PRMT2: variants seen among roughly 807,000 people sequenced by gnomAD.
The protein encoded by PRMT2 is protein arginine N-methyltransferase 2.
Under a neutral mutation model 57.6 loss-of-function variants are expected in PRMT2, and 26 were observed. The observed-to-expected ratio is 0.45, with a 90% CI of 0.33 to 0.63. The LOEUF is 0.63. PRMT2 is among the 20% of genes least tolerant of loss of function. The pLI, the probability that PRMT2 is intolerant of heterozygous loss-of-function variation, is 0.02. For synonymous variants in PRMT2, 219 were observed against 220.0 expected (o/e 1.00, Z 0.04); for missense variants, 472 against 564.4 (o/e 0.84, Z 1.66).
chr21:46,662,174 G>A (rs1364681046), intron 10 of PRMT2, among the ~76,000 whole-genome samples: 2 of 152,164 alleles, frequency 1.3e-5, no homozygotes, highest in Admixed American at 6.5e-5. Flanking sequence ...CAGCCTGGGC[G>A]TCCCTCCGAC....
chr21:46,653,561 G>T (rs546006537), intron 7 of PRMT2: 33 of 1,035,478 alleles, frequency 3.2e-5, no homozygotes, highest in Admixed American at 1.1e-4. Flanking sequence ...AACCAAGGCC[G>T]CCTGGCTTCC....
At chr21:46,657,215 C>CT (rs1042673061) in intron 7 of PRMT2, 1 of 152,092 alleles carries the variant, frequency 6.6e-6, no homozygotes, top group African/African-American at 2.4e-5. Context: ...CTGGAGGGAA[C>CT]ATGCCACTGT....
rs150978784 is a variant in PRMT2 at position 46,648,607 on chromosome 21, G to A, written c.477G>A (p.Ala159=). Residue 159 remains alanine (A), a synonymous_variant, in exon 6 of 12, where the codon GCG becomes GCA. Coordinates refer to ENST00000355680, the MANE Select transcript of PRMT2 (RefSeq NM_206962.4). This position sits in a 1 kb window ranked among gnomAD's most constrained non-coding sequence, Gnocchi z 4.8. The part of the protein sequence containing the change: ...GIISLFCAHY[A]RPRAVYAVEA... ...TCAGTCTCTTCTGTGCACACTATGCGCGGCCTAGAGCGGTGAGTGGGGTCT... is the reference window on the plus strand; with the variant it reads ...TCAGTCTCTTCTGTGCACACTATGCACGGCCTAGAGCGGTGAGTGGGGTCT... The A allele has an allele frequency of 6.3e-5, 102 of 1,612,720 alleles. 3 individuals are homozygous for A. The East Asian group carries it at 1.9e-3, about 31-fold the overall frequency.
chr21:46,660,733 GAC>G (rs780297738), intron 8 of PRMT2, 98 bp from the exon 9 acceptor site: 10 of 1,432,572 alleles, frequency 7.0e-6, no homozygotes, highest in Non-Finnish European at 9.5e-6. Context: ...GCATCCTGGT[GAC>G]ACAGAAGGGA....
chr21:46,644,292 T>A lies in PRMT2; in HGVS notation c.145-14T>A. The stretch of plus-strand genomic sequence containing the variant: ...ACTGGTTTTCTTATTGAATTTTAAC[T>A]TTTTTTTTTCCAGCTCAGTTTTTTG... On this transcript the variant is annotated splice_polypyrimidine_tract_variant and intron_variant, in intron 4 of 11. Coordinates refer to ENST00000355680, the MANE Select transcript of PRMT2 (RefSeq NM_206962.4). The A allele has an allele frequency of 6.8e-7, 1 of 1,475,340 alleles. No homozygotes were observed. The highest frequency in any genetic ancestry group is 1.8e-4 in the Middle Eastern group (1 of 5,576). 91.4% of individuals were successfully genotyped at this position (1,475,340 alleles called of 1,614,324 possible). A position where few individuals can be genotyped will look rare whatever the true frequency, so the allele number is the denominator to read the frequency against.
At chr21:46,651,022 G>A (rs1028597597) in intron 7 of PRMT2, among the ~76,000 whole-genome samples, 1 of 152,232 alleles carries the variant, frequency 6.6e-6, no homozygotes, top group East Asian at 1.9e-4. Context: ...GAGGTGGGCT[G>A]TGTTTTGGAG....
In PRMT2 at chr21:46,664,643, G is replaced by C. The variant is rs548028163; in HGVS notation, c.*316G>C. ...TCGGAGCTCCATGTTCCTAAGCTAG[G>C]TCTAGGTCTACACTCCTAGGACGCA... On this transcript the variant is annotated 3_prime_UTR_variant, in exon 12 of 12. Coordinates refer to ENST00000355680, the MANE Select transcript of PRMT2 (RefSeq NM_206962.4). 128 of 464,660 alleles carry C rather than the reference G, an allele frequency of 2.8e-4. 1 individual carries two copies. Among genetic ancestry groups the C allele is most frequent in the Admixed American group, 3.4e-4 (10 of 29,236 alleles). 28.8% of individuals were successfully genotyped at this position (464,660 alleles called of 1,614,324 possible).
Position 46,648,614 on chromosome 21 carries a change from A to G in PRMT2, c.484A>G (p.Arg162Gly). Residue 162 changes from arginine to glycine, a missense_variant, in exon 6 of 12, where the codon AGA becomes GGA. Arg to Gly is a moderately radical substitution (Grantham distance 125). This residue lies in a region of PRMT2 where 243 missense variants were observed against 347.2 expected (regional missense o/e 0.70). Transcript: ENST00000355680. This position sits in a 1 kb window ranked among gnomAD's most constrained non-coding sequence, Gnocchi z 4.8. ...CTTCTGTGCACACTATGCGCGGCCT[A>G]GAGCGGTGAGTGGGGTCTCGAGCGC... ...SLFCAHYARP[R>G]AVYAVEASEM... is the part of the protein sequence containing the mutation. The G allele has an allele frequency of 1.2e-6, 2 of 1,612,690 alleles. No individual in the cohort carries two copies. The highest frequency in any genetic ancestry group is 1.1e-5 in the South Asian group (1 of 91,078).
intron 3 of PRMT2, among the ~76,000 whole-genome samples, chr21:46,641,980 C>T (rs1283679705): frequency 6.6e-6 from 1 of 152,106 alleles, no homozygotes; most frequent in African/African-American, 2.4e-5. Flanking sequence ...TTTAAAAACG[C>T]CTAACCACAC....
chr21:46,636,985 T>C lies in PRMT2; in HGVS notation c.34T>C (p.Ser12Pro). Residue 12 changes from serine to proline, a missense_variant, in exon 3 of 12, where the codon TCG becomes CCG. Around this residue, in one of 2 missense-constraint regions of PRMT2, gnomAD observed 243 missense variants for 347.2 expected, o/e 0.70. Transcript: ENST00000355680. The part of the protein sequence containing the change: ...ATSGDCPRSE[S>P]QGEEPAECSE... ...ATCAGGTGACTGTCCCAGAAGTGAATCGCAGGTAATTTCCGTTCCACTTCC... is the reference window on the plus strand; with the variant it reads ...ATCAGGTGACTGTCCCAGAAGTGAACCGCAGGTAATTTCCGTTCCACTTCC... 6.2e-7 allele frequency: 1 copy of C among 1,613,918 alleles called. No homozygotes were observed. The highest frequency in any genetic ancestry group is 8.5e-7 in the Non-Finnish European group (1 of 1,179,934).
chr21:46,647,798 GA>G (rs2061387872), intron 5 of PRMT2, among the ~76,000 whole-genome samples: 1 of 152,192 alleles, frequency 6.6e-6, no homozygotes, highest in African/African-American at 2.4e-5. Flanking sequence ...TCAGTTACTG[GA>G]CAGTTCCCTT....
At position 46,649,375 on chromosome 21, in the gene PRMT2, T is replaced by G; in HGVS notation, c.490-200T>G. On this transcript the variant is annotated intron_variant, in intron 6 of 11. Transcript: ENST00000355680. This position sits in a 1 kb window ranked among gnomAD's most constrained non-coding sequence, Gnocchi z 4.8. ...TGTCTTGTCCGGGAGGTGGGGGCAGTTGGGAGGGTTAGAGGCGGCTCCTTT... is the reference window on the plus strand; with the variant it reads ...TGTCTTGTCCGGGAGGTGGGGGCAGGTGGGAGGGTTAGAGGCGGCTCCTTT... The G allele has an allele frequency of 4.0e-6, 3 of 748,894 alleles. No homozygotes were observed. The highest frequency in any genetic ancestry group is 6.9e-6 in the Non-Finnish European group (3 of 437,752). 46.4% of individuals were successfully genotyped at this position (748,894 alleles called of 1,614,324 possible). A position where few individuals can be genotyped will look rare whatever the true frequency, so the allele number is the denominator to read the frequency against.
chr21:46,653,620 C>A, intron 7 of PRMT2: 1 of 1,182,032 alleles, frequency 8.5e-7, no homozygotes, highest in South Asian at 1.7e-5. Context: ...GCTTGATGTT[C>A]ATGTTTTATG....
Position 46,649,302 on chromosome 21 carries a change from G to A in PRMT2, c.490-273G>A, listed in dbSNP as rs1187619342. On this transcript the variant is annotated intron_variant, in intron 6 of 11. Transcript: ENST00000355680. This position sits in a 1 kb window ranked among gnomAD's most constrained non-coding sequence, Gnocchi z 4.8. ...GATTAAGATTGCTGTGCGTGTGGCA[G>A]CCGGCTCGGGCATGCGAGTCTTCCA... Among the ~76,000 whole-genome samples the A allele has an allele frequency of 1.9e-4, 29 of 152,224 alleles. No individual in the cohort carries two copies. The highest frequency in any genetic ancestry group is 1.9e-3 in the Admixed American group (29 of 15,290).
chr21:46,638,899 C>T (rs1439887946), intron 3 of PRMT2, among the ~76,000 whole-genome samples: 1 of 151,810 alleles, frequency 6.6e-6, no homozygotes, highest in Non-Finnish European at 1.5e-5. Context: ...TTGATTTCTG[C>T]TTTTGTCTTT....
intron 3 of PRMT2, among the ~76,000 whole-genome samples, chr21:46,637,398 G>A (rs530143202): frequency 2.0e-5 from 3 of 152,216 alleles, no homozygotes; most frequent in Admixed American, 6.5e-5. Context: ...ATGTAGTTTC[G>A]TTCAAGTTAG....
rs1601962648 is a variant in PRMT2 at position 46,664,639 on chromosome 21, C to T, written c.*312C>T. The T allele has an allele frequency of 1.1e-5, 5 of 469,782 alleles. No individual in the cohort carries two copies. In the South Asian group the frequency reaches 1.2e-4, roughly 11 times the overall value. 29.1% of individuals were successfully genotyped at this position (469,782 alleles called of 1,614,324 possible). On this transcript the variant is annotated 3_prime_UTR_variant, in exon 12 of 12. Coordinates refer to ENST00000355680, the MANE Select transcript of PRMT2 (RefSeq NM_206962.4). ...TGGGTCGGAGCTCCATGTTCCTAAG[C>T]TAGGTCTAGGTCTACACTCCTAGGA...
rs1422645369 is a variant in PRMT2, at chr21:46,664,453, C to T, written c.*126C>T. On this transcript the variant is annotated 3_prime_UTR_variant, in exon 12 of 12. Coordinates refer to ENST00000355680, the MANE Select transcript of PRMT2 (RefSeq NM_206962.4). ...GGTGAACATTCACTCCACATTGACC[C>T]CTCCCTAGCCTGGCAGGTGACGTCA... 12 of 1,226,696 alleles carry T rather than the reference C, an allele frequency of 9.8e-6. No individual in the cohort carries two copies. The highest frequency in any genetic ancestry group is 3.0e-5 in the African/African-American group (2 of 67,098). The allele number at this position is 1,226,696 out of a possible 1,614,324, so 76.0% of individuals were successfully genotyped here. A position where few individuals can be genotyped will look rare whatever the true frequency, so the allele number is the denominator to read the frequency against.
rs1384170513 is a variant in PRMT2, at chr21:46,664,971, CAT to C, written c.*649_*650del. ...ATGTCATTGTGTATCCTGTTTTATG[CAT>C]ATATGTTATTTTTTGTAATTACAGG... On this transcript the variant is annotated 3_prime_UTR_variant, in exon 12 of 12. Transcript: ENST00000355680. 2.0e-5 allele frequency: 3 copies of C among 152,444 alleles called. No individual in the cohort carries two copies. Among genetic ancestry groups the C allele is most frequent in the African/African-American group, 4.8e-5 (2 of 41,428 alleles). 9.4% of individuals were successfully genotyped at this position (152,444 alleles called of 1,614,324 possible).
Sources: gnomAD v4.1 joint callset for allele counts (sites outside exome capture counted in the v4.1 genomes callset) on GRCh38, gnomAD v4.1.1 for gene constraint, gnomAD v4.1.1 regional missense constraint, Gnocchi (gnomAD v3.1) non-coding constraint, MANE v1.5 for transcripts, NCBI Gene and HGNC (gene_info 2026-07-23, HGNC 2026-07-21) for gene names.